MACROD2: variants seen among roughly 807,000 people sequenced by gnomAD.
The protein encoded by MACROD2 is mono-ADP ribosylhydrolase 2.
MACROD2 carries 36 observed loss-of-function variants against 70.4 expected under a neutral mutation model. The observed-to-expected ratio is 0.51, with a 90% confidence interval of 0.39 to 0.68. The LOEUF (loss-of-function observed/expected upper bound fraction) is 0.68. Among genes scored for constraint, MACROD2 ranks in the 30% least tolerant of loss-of-function variants. The probability of loss-of-function intolerance (pLI) is 0.00; values close to 1 mark genes in which losing one functional copy is unlikely to be tolerated. For missense variants in MACROD2, 496 were observed against 538.4 expected, an observed-to-expected ratio of 0.92 and a Z score of 0.78; for synonymous variants, 172 against 178.8, an observed-to-expected ratio of 0.96 and a Z score of 0.30.
rs201537957 is a variant in MACROD2 at position 14,661,693 on chromosome 20, T to TA, written c.302-23144dup. Among the ~76,000 whole-genome samples, 13 of 152,216 alleles carry TA rather than the reference T, an allele frequency of 8.5e-5. No individual in the cohort carries two copies. In the East Asian group the frequency reaches 2.5e-3, roughly 29 times the overall value. On this transcript the variant is annotated intron_variant, in intron 4 of 17. Transcript: ENST00000684519. ...TAGAGCAAAACTTTAAATACACATT[T>TA]AAAAAATATATTTTCTTCAGAAACC...
intron 5 of MACROD2, among the ~76,000 whole-genome samples, chr20:14,814,166 A>T (rs2072747253): frequency 6.6e-6 from 1 of 152,140 alleles, no homozygotes; most frequent in African/African-American, 2.4e-5. Context: ...AAAGTGGAAG[A>T]TGAGCCCGGA....
At chr20:15,876,055 G>T (rs1459159277) in intron 9 of MACROD2, among the ~76,000 whole-genome samples, 4 of 142,602 alleles carry the variant, frequency 2.8e-5, no homozygotes. Flanking sequence ...TCCACTTTAT[G>T]TATGAACCTG....
At chr20:15,329,947 G>A (rs984996503) in intron 6 of MACROD2, among the ~76,000 whole-genome samples, 3 of 151,998 alleles carry the variant, frequency 2.0e-5, no homozygotes, top group African/African-American at 4.8e-5. Flanking sequence ...TTATTTGAGA[G>A]GTGCCTTCGC....
At chr20:14,860,462 G>C (rs1295883732) in intron 5 of MACROD2, among the ~76,000 whole-genome samples, 1 of 152,076 alleles carries the variant, frequency 6.6e-6, no homozygotes. Flanking sequence ...AATTTATGGC[G>C]AGAGTGAGAA....
intron 6 of MACROD2, among the ~76,000 whole-genome samples, chr20:15,407,116 G>A (rs553430204): frequency 5.3e-5 from 8 of 152,262 alleles, no homozygotes; most frequent in South Asian, 2.1e-4. Flanking sequence ...GTACCTTCCC[G>A]TTGCCCTTCA....
chr20:15,085,496 A>G (rs1233985359), intron 5 of MACROD2, among the ~76,000 whole-genome samples: 3 of 152,142 alleles, frequency 2.0e-5, no homozygotes, highest in Admixed American at 6.6e-5. Context: ...GATATGTATG[A>G]TAAGGGTCTC....
At chr20:14,425,614 C>A (rs140769768) in intron 3 of MACROD2, among the ~76,000 whole-genome samples, 282 of 152,278 alleles carry the variant, frequency 1.9e-3, no homozygotes, top group African/African-American at 6.3e-3. Flanking sequence ...CCAGACAAAT[C>A]TGGTATTCCA....
At chr20:14,599,585 A>G (rs1231661850) in intron 4 of MACROD2, among the ~76,000 whole-genome samples, 10 of 152,142 alleles carry the variant, frequency 6.6e-5, no homozygotes, top group African/African-American at 2.2e-4. Flanking sequence ...AAAATGTTAA[A>G]CTGAGCTGCT....
chr20:15,371,652 T>A (rs2045496040), intron 6 of MACROD2, among the ~76,000 whole-genome samples: 1 of 152,172 alleles, frequency 6.6e-6, no homozygotes, highest in African/African-American at 2.4e-5. Context: ...ATGCTACATA[T>A]TTTACAGGCA....
chr20:14,651,808 C>T (rs796104853), intron 4 of MACROD2, among the ~76,000 whole-genome samples: 3 of 152,184 alleles, frequency 2.0e-5, no homozygotes, highest in Admixed American at 1.3e-4. Context: ...GACTGCCGAC[C>T]AGTGTCTCAT....
chr20:14,127,273 CT>C, intron 3 of MACROD2: 1 of 252,024 alleles, frequency 4.0e-6, no homozygotes, highest in Non-Finnish European at 7.5e-6. Context: ...AAGGCCCTAA[CT>C]CTCTTCAATA....
intron 3 of MACROD2, among the ~76,000 whole-genome samples, chr20:14,448,034 G>C (rs2084202825): frequency 6.7e-6 from 1 of 149,402 alleles, no homozygotes; most frequent in Admixed American, 6.6e-5. Flanking sequence ...GTATCTGAGA[G>C]AGAGAGAGAT....
chr20:14,646,113 C>CTAAG, intron 4 of MACROD2, among the ~76,000 whole-genome samples: 1 of 149,268 alleles, frequency 6.7e-6, no homozygotes, highest in East Asian at 1.9e-4. Flanking sequence ...ATATTTTATA[C>CTAAG]TAAGTAAATA....
chr20:15,658,225 CTTTT>C (rs11296773), intron 8 of MACROD2, among the ~76,000 whole-genome samples: 2 of 140,992 alleles, frequency 1.4e-5, no homozygotes, highest in African/African-American at 2.6e-5. Flanking sequence ...CTCTCTCTCT[CTTTT>C]TTTTTTTTTT....
intron 8 of MACROD2, among the ~76,000 whole-genome samples, chr20:15,811,192 A>G (rs1353816542): frequency 1.3e-5 from 2 of 152,054 alleles, no homozygotes; most frequent in African/African-American, 4.8e-5. Flanking sequence ...TACTCATCTG[A>G]CAAAGGGCTA....
chr20:15,126,347 A>G (rs1041514119), intron 5 of MACROD2, among the ~76,000 whole-genome samples: 5 of 152,002 alleles, frequency 3.3e-5, no homozygotes, highest in African/African-American at 4.8e-5. Flanking sequence ...ATGGTTGCCA[A>G]CACTTGTAGT....
chr20:14,173,495 C>T (rs539496499), intron 3 of MACROD2, among the ~76,000 whole-genome samples: 4 of 151,990 alleles, frequency 2.6e-5, no homozygotes, highest in African/African-American at 9.7e-5. Context: ...CTATCTATTG[C>T]AGTGAAGATT....
chr20:15,249,815 G>A (rs887151732), intron 6 of MACROD2, among the ~76,000 whole-genome samples: 4 of 152,186 alleles, frequency 2.6e-5, no homozygotes, highest in Non-Finnish European at 5.9e-5. Flanking sequence ...GGCAGGGGCC[G>A]AGCTGGTTCA....
chr20:14,579,382 C>T (rs1379328579), intron 4 of MACROD2, among the ~76,000 whole-genome samples: 1 of 151,510 alleles, frequency 6.6e-6, no homozygotes, highest in East Asian at 1.9e-4. Flanking sequence ...ACCTCATGAT[C>T]CACCCGCCTC....
Sources: gnomAD v4.1 joint callset for allele counts (sites outside exome capture counted in the v4.1 genomes callset) on GRCh38, gnomAD v4.1.1 for gene constraint, MANE v1.5 for transcripts, NCBI Gene and HGNC (gene_info 2026-07-23, HGNC 2026-07-21) for gene names.